Variants in FCHSD2 observed in about 807,000 individuals in gnomAD.
The protein encoded by FCHSD2 is FCH and double SH3 domains 2, also known as F-BAR and double SH3 domains protein 2.
FCHSD2 carries 38 observed loss-of-function variants against 108.1 expected under a neutral mutation model. The observed-to-expected ratio is 0.35, with a 90% confidence interval of 0.27 to 0.46. The LOEUF (loss-of-function observed/expected upper bound fraction) is 0.46. Among genes scored for constraint, FCHSD2 ranks in the 20% least tolerant of loss-of-function variants. FCHSD2 has a pLI of 1.00. For missense variants in FCHSD2, 751 were observed against 897.8 expected (o/e 0.84, Z 2.09); for synonymous variants, 279 against 314.7 (o/e 0.89, Z 1.20).
At chr11:73,072,183 C>T (rs1404202717) in intron 3 of FCHSD2, among the ~76,000 whole-genome samples, 3 of 151,120 alleles carry the variant, frequency 2.0e-5, no homozygotes, top group African/African-American at 7.3e-5. Context: ...TCTCTCCACT[C>T]TGTTTTATCC....
chr11:72,879,328 TAAG>T (rs750538860), intron 12 of FCHSD2, among the ~76,000 whole-genome samples: 2 of 152,072 alleles, frequency 1.3e-5, no homozygotes, highest in Non-Finnish European at 2.9e-5. Flanking sequence ...ATAGTCTTTA[TAAG>T]AAGAAAATAG....
At chr11:73,108,861 G>A (rs867027710) in intron 2 of FCHSD2, among the ~76,000 whole-genome samples, 13 of 152,282 alleles carry the variant, frequency 8.5e-5, no homozygotes, top group African/African-American at 2.2e-4. Flanking sequence ...GTGAGCCACC[G>A]CGCCCAGCCT....
intron 3 of FCHSD2, among the ~76,000 whole-genome samples, chr11:73,019,671 C>T (rs985032589): frequency 6.6e-6 from 1 of 152,148 alleles, no homozygotes; most frequent in Admixed American, 6.5e-5. Flanking sequence ...TCTGTGTACT[C>T]CATGCAGCTG....
At chr11:72,986,255 G>T (rs898708030) in intron 6 of FCHSD2, among the ~76,000 whole-genome samples, 25 of 152,224 alleles carry the variant, frequency 1.6e-4, no homozygotes, top group African/African-American at 6.0e-4. Flanking sequence ...TGTTGCCCAG[G>T]TCGGAGTGCA....
intron 3 of FCHSD2, among the ~76,000 whole-genome samples, chr11:73,064,003 C>A (rs1859230375): frequency 6.6e-6 from 1 of 152,198 alleles, no homozygotes. Context: ...CTTAGCACCA[C>A]ATCACACTTA....
At chr11:73,033,551 A>C (rs1858416617) in intron 3 of FCHSD2, among the ~76,000 whole-genome samples, 2 of 152,308 alleles carry the variant, frequency 1.3e-5, no homozygotes, top group African/African-American at 2.4e-5. Context: ...AGGGCGCTAC[A>C]CAAGACATCT....
At chr11:73,100,858 G>A (rs930115732) in intron 2 of FCHSD2, among the ~76,000 whole-genome samples, 8 of 146,982 alleles carry the variant, frequency 5.4e-5, no homozygotes, top group Admixed American at 2.0e-4. Context: ...ATGCTTCTAC[G>A]TGGGATTTTT....
chr11:72,933,885 T>C (rs1310663907), intron 8 of FCHSD2, among the ~76,000 whole-genome samples: 1 of 151,796 alleles, frequency 6.6e-6, no homozygotes, highest in African/African-American at 2.4e-5. Flanking sequence ...TAGGTGGGCG[T>C]ATCACTTGAG....
At chr11:72,978,981 C>G (rs767947428) in intron 8 of FCHSD2, among the ~76,000 whole-genome samples, 2 of 151,806 alleles carry the variant, frequency 1.3e-5, no homozygotes, top group Non-Finnish European at 2.9e-5. Context: ...CTCAGCCTCC[C>G]TGAGTAGCTG....
intron 8 of FCHSD2, among the ~76,000 whole-genome samples, chr11:72,978,083 TTC>T (rs1857140747): frequency 6.6e-6 from 1 of 152,068 alleles, no homozygotes; most frequent in Non-Finnish European, 1.5e-5. Flanking sequence ...ACACCACATG[TTC>T]TCACTCATAG....
intron 8 of FCHSD2, among the ~76,000 whole-genome samples, chr11:72,925,250 T>A (rs558131730): frequency 6.6e-6 from 1 of 152,336 alleles, no homozygotes; most frequent in African/African-American, 2.4e-5. Context: ...GACCTTACCA[T>A]AATCAGGATC....
intron 5 of FCHSD2, among the ~76,000 whole-genome samples, chr11:73,000,330 A>G (rs1426697882): frequency 6.6e-6 from 1 of 152,186 alleles, no homozygotes; most frequent in African/African-American, 2.4e-5. Context: ...TATTAGGTAT[A>G]ATGATAATCT....
At chr11:72,844,145 G>C (rs1471617958) in intron 14 of FCHSD2, among the ~76,000 whole-genome samples, 1 of 152,198 alleles carries the variant, frequency 6.6e-6, no homozygotes, top group African/African-American at 2.4e-5. Context: ...TGGAGGATGT[G>C]AGTCAATGTG....
Position 72,978,998 on chromosome 11 carries a change from C to T in FCHSD2, c.705+5090G>A, listed in dbSNP as rs542577977. The stretch of plus-strand genomic sequence containing the variant: ...CAGCCTCCCTGAGTAGCTGGGACTA[C>T]AAGTGCATGCCTCCACACACAGCTA... On this transcript the variant is annotated intron_variant, in intron 8 of 19. Coordinates refer to ENST00000409418, the MANE Select transcript of FCHSD2 (RefSeq NM_014824.3). Among the ~76,000 whole-genome samples the T allele has an allele frequency of 1.2e-3, 177 of 151,814 alleles. 1 individual carries two copies. Among genetic ancestry groups the T allele is most frequent in the African/African-American group, 4.1e-3 (170 of 41,404 alleles).
At chr11:73,092,507 T>G (rs1006931085) in intron 2 of FCHSD2, among the ~76,000 whole-genome samples, 5 of 152,176 alleles carry the variant, frequency 3.3e-5, no homozygotes, top group Non-Finnish European at 2.9e-5. Flanking sequence ...TGGAGCTCCT[T>G]GAGAGCATTT....
chr11:72,936,874 T>G (rs1041241799), intron 8 of FCHSD2, among the ~76,000 whole-genome samples: 18 of 152,232 alleles, frequency 1.2e-4, no homozygotes, highest in African/African-American at 4.1e-4. Context: ...CTTTGAAATA[T>G]ATTAAAAATA....
At chr11:73,052,701 T>TA (rs1178490838) in intron 3 of FCHSD2, among the ~76,000 whole-genome samples, 1 of 152,188 alleles carries the variant, frequency 6.6e-6, no homozygotes, top group African/African-American at 2.4e-5. Flanking sequence ...ATTCATCTTA[T>TA]ATATTCGGTA....
At chr11:73,088,697 T>C (rs945557986) in intron 2 of FCHSD2, among the ~76,000 whole-genome samples, 3 of 152,200 alleles carry the variant, frequency 2.0e-5, no homozygotes, top group Admixed American at 2.0e-4. Flanking sequence ...GAAATTATTA[T>C]GACCAGCACT....
chr11:72,864,192 T>C (rs544184510), intron 13 of FCHSD2, among the ~76,000 whole-genome samples: 181 of 152,316 alleles, frequency 1.2e-3, no homozygotes, highest in Non-Finnish European at 2.1e-3. Flanking sequence ...GTTAACATTG[T>C]GGGCTATAGT....
Sources: allele counts gnomAD v4.1 joint callset (sites outside exome capture counted in the v4.1 genomes callset), GRCh38; gene constraint gnomAD v4.1.1; transcripts MANE v1.5; gene names NCBI Gene and HGNC (gene_info 2026-07-23, HGNC 2026-07-21).